The following SCAPER variants were observed in gnomAD, a reference collection of about 807,000 sequenced individuals.
The protein encoded by SCAPER is S phase cyclin A-associated protein in the endoplasmic reticulum.
In SCAPER, 98 loss-of-function variants were observed where a neutral mutation model predicts 182.2. The observed-to-expected ratio is 0.54, with a 90% CI of 0.46 to 0.64. The LOEUF (loss-of-function observed/expected upper bound fraction) is 0.64. SCAPER is among the 30% of genes least tolerant of loss of function. The probability of loss-of-function intolerance (pLI) is 0.00; values close to 1 mark genes in which losing one functional copy is unlikely to be tolerated. For missense variants in SCAPER, 1,432 were observed against 1,690.0 expected (o/e 0.85, Z 2.68); for synonymous variants, 605 against 564.6 (o/e 1.07, Z -1.01).
chr15:76,795,744 T>C (rs1220236608), intron 7 of SCAPER, among the ~76,000 whole-genome samples: 1 of 152,176 alleles, frequency 6.6e-6, no homozygotes, highest in East Asian at 1.9e-4. Flanking sequence ...CTTAAAGTTT[T>C]CATTTTCACT....
At chr15:76,773,143 T>C (rs2063560578) in intron 9 of SCAPER, among the ~76,000 whole-genome samples, 1 of 151,914 alleles carries the variant, frequency 6.6e-6, no homozygotes, top group Non-Finnish European at 1.5e-5. Flanking sequence ...ATGTGTACAC[T>C]ACTCAATCCC....
chr15:76,587,822 T>A (rs572498467), intron 22 of SCAPER, among the ~76,000 whole-genome samples: 1 of 152,302 alleles, frequency 6.6e-6, no homozygotes, highest in East Asian at 1.9e-4. Flanking sequence ...ATACATGGTT[T>A]CCTTGTTGAC....
At chr15:76,800,160 T>TTTTTTTTTTTTTTTTTTTTTTTGAGACGG (rs1555610073) in intron 7 of SCAPER, 88 bp downstream of exon 7, 8 of 723,184 alleles carry the variant, frequency 1.1e-5, no homozygotes, top group African/African-American at 3.5e-5. Context: ...TGGATATTTT[T>TTTTTTTTTTTTTTTTTTTTTTTGAGACGG]ATAGTAGAAT....
chr15:76,586,740 C>T (rs538294616), intron 22 of SCAPER: 60 of 153,018 alleles, frequency 3.9e-4, no homozygotes, highest in African/African-American at 1.3e-3. Context: ...GTCTCTTCAT[C>T]AGGGATATTT....
chr15:76,753,731 T>A (rs976956888), intron 15 of SCAPER, 77 bp downstream of exon 15: 16 of 1,448,856 alleles, frequency 1.1e-5, no homozygotes, highest in Non-Finnish European at 1.2e-5. Context: ...ATAAACATTA[T>A]CTTCTATTAC....
At chr15:76,875,657 T>TG (rs1305356277) in intron 2 of SCAPER, among the ~76,000 whole-genome samples, 1 of 152,190 alleles carries the variant, frequency 6.6e-6, no homozygotes, top group Non-Finnish European at 1.5e-5. Flanking sequence ...CGCAGACCGT[T>TG]GCCCTGAGTG....
At chr15:76,417,402 G>A (rs75136180) in intron 26 of SCAPER, among the ~76,000 whole-genome samples, 134 of 152,336 alleles carry the variant, frequency 8.8e-4, no homozygotes, top group African/African-American at 3.1e-3. Context: ...AATAGCAATG[G>A]AGTGAGGGTG....
At chr15:76,353,029 CAT>C (rs1279851917) in intron 30 of SCAPER, among the ~76,000 whole-genome samples, 1 of 151,948 alleles carries the variant, frequency 6.6e-6, no homozygotes, top group Admixed American at 6.6e-5. Context: ...GTTTGGAAAA[CAT>C]AAACTTTGAA....
chr15:76,352,486 CTT>C (rs3033117), intron 30 of SCAPER, among the ~76,000 whole-genome samples: 25,374 of 137,930 alleles, frequency 0.18, 2,564 homozygotes, highest in Middle Eastern at 0.27. Flanking sequence ...TTTGTATTTT[CTT>C]TTTTTTTTTT....
At chr15:76,461,515 A>G (rs917790262) in intron 25 of SCAPER, among the ~76,000 whole-genome samples, 2 of 151,748 alleles carry the variant, frequency 1.3e-5, no homozygotes, top group African/African-American at 4.8e-5. Flanking sequence ...ATTCTTTCTC[A>G]TTTATTAATT....
At chr15:76,664,777 TA>T (rs2056444671) in intron 21 of SCAPER, among the ~76,000 whole-genome samples, 1 of 152,058 alleles carries the variant, frequency 6.6e-6, no homozygotes, top group Non-Finnish European at 1.5e-5. Context: ...CTTCAAAAAC[TA>T]AAATCAAAAA....
chr15:76,901,777 T>C (rs1457524584), intron 1 of SCAPER, among the ~76,000 whole-genome samples: 1 of 152,106 alleles, frequency 6.6e-6, no homozygotes, highest in East Asian at 1.9e-4. Flanking sequence ...TGCAGTGCAG[T>C]GGCACGATCT....
chr15:76,623,819 C>G (rs916419315), intron 21 of SCAPER, among the ~76,000 whole-genome samples: 1 of 152,060 alleles, frequency 6.6e-6, no homozygotes, highest in African/African-American at 2.4e-5. Flanking sequence ...ATGATCATCT[C>G]AATAGATGCA....
At chr15:76,432,626 G>C (rs1360455260) in intron 26 of SCAPER, among the ~76,000 whole-genome samples, 1 of 152,200 alleles carries the variant, frequency 6.6e-6, no homozygotes, top group African/African-American at 2.4e-5. Flanking sequence ...AACACCAGAT[G>C]AAACTCTGTT....
chr15:76,360,471 T>C (rs1375929352), intron 29 of SCAPER, among the ~76,000 whole-genome samples: 1 of 152,218 alleles, frequency 6.6e-6, no homozygotes, highest in Non-Finnish European at 1.5e-5. Flanking sequence ...TGCTAGATTC[T>C]TCCTCACCTC....
intron 26 of SCAPER, among the ~76,000 whole-genome samples, chr15:76,416,633 C>T (rs2045668895): frequency 6.6e-6 from 1 of 152,000 alleles, no homozygotes; most frequent in South Asian, 2.1e-4. Flanking sequence ...CAATATGGAT[C>T]AAAATTCTTA....
chr15:76,446,188 G>A (rs866609478), intron 25 of SCAPER, among the ~76,000 whole-genome samples: 1 of 152,136 alleles, frequency 6.6e-6, no homozygotes, highest in Non-Finnish European at 1.5e-5. Context: ...AATCACATCA[G>A]GGTCAGGATT....
At chr15:76,531,412 A>T (rs1309182777) in intron 23 of SCAPER, among the ~76,000 whole-genome samples, 1 of 152,204 alleles carries the variant, frequency 6.6e-6, no homozygotes, top group African/African-American at 2.4e-5. Context: ...TCTCCTGAGG[A>T]AACTGGGGAC....
chr15:76,443,237 T>C (rs958173860), intron 25 of SCAPER, among the ~76,000 whole-genome samples: 1 of 152,222 alleles, frequency 6.6e-6, no homozygotes, highest in Non-Finnish European at 1.5e-5. Flanking sequence ...AAACTATGCA[T>C]GGATTTCAAT....
Sources: gnomAD v4.1 joint callset for allele counts (sites outside exome capture counted in the v4.1 genomes callset) on GRCh38, gnomAD v4.1.1 for gene constraint, MANE v1.5 for transcripts, NCBI Gene and HGNC (gene_info 2026-07-23, HGNC 2026-07-21) for gene names.